Variants in TMEM237 observed in about 807,000 individuals in gnomAD.
TMEM237 encodes transmembrane protein 237, also known as amyotrophic lateral sclerosis 2 (juvenile) chromosome region, candidate 4.
In TMEM237, 51 loss-of-function variants were observed where a neutral mutation model predicts 59.1. That is an observed-to-expected ratio of 0.86 (90% CI 0.69 to 1.09). The LOEUF is 1.09. Ranked by LOEUF, TMEM237 falls within the 50% of genes least tolerant of loss-of-function variation. The probability of loss-of-function intolerance (pLI) is 0.00; values close to 1 mark genes in which losing one functional copy is unlikely to be tolerated. For missense variants in TMEM237, 475 were observed against 478.3 expected, an observed-to-expected ratio of 0.99 and a Z score of 0.06; for synonymous variants, 140 against 166.1, an observed-to-expected ratio of 0.84 and a Z score of 1.21.
chr2:201,641,581 T>C (rs1361592482), intron 1 of TMEM237, among the ~76,000 whole-genome samples: 2 of 151,870 alleles, frequency 1.3e-5, no homozygotes, highest in East Asian at 3.9e-4. Flanking sequence ...TTCTAGTGGT[T>C]GAGTATTAGA....
chr2:201,642,503 A>C lies in TMEM237; in HGVS notation c.42+856T>G. On this transcript the variant is annotated intron_variant, in intron 1 of 12. Coordinates refer to ENST00000409883, the MANE Select transcript of TMEM237 (RefSeq NM_001044385.3). ...TAACTGATTTCAAAAGTCCCGCAAA[A>C]ATGACGTTCCACCCACCCAGAGACC... 1.5e-6 allele frequency: 2 copies of C among 1,322,010 alleles called. 1 individual carries two copies. The highest frequency in any genetic ancestry group is 3.1e-5 in the African/African-American group (2 of 64,698). 81.9% of individuals were successfully genotyped at this position (1,322,010 alleles called of 1,614,324 possible).
At chr2:201,634,422 A>G (rs998037228) in intron 5 of TMEM237, 3 of 152,228 alleles carry the variant, frequency 2.0e-5, no homozygotes, top group African/African-American at 7.2e-5. Context: ...TAAAAACACA[A>G]TTTTTAAATC....
chr2:201,631,763 T>A (rs1957809992), intron 7 of TMEM237, among the ~76,000 whole-genome samples: 1 of 152,204 alleles, frequency 6.6e-6, no homozygotes, highest in Non-Finnish European at 1.5e-5. Flanking sequence ...TCATTTTTTA[T>A]CAGAATCTTT....
chr2:201,625,123 G>A (rs1225996261), intron 12 of TMEM237, among the ~76,000 whole-genome samples: 1 of 152,172 alleles, frequency 6.6e-6, no homozygotes, highest in Admixed American at 6.5e-5. Context: ...AGCACTTTGG[G>A]AGGCCGAGGC....
chr2:201,625,223 G>T (rs1275261258), intron 12 of TMEM237, among the ~76,000 whole-genome samples: 3 of 151,894 alleles, frequency 2.0e-5, no homozygotes, highest in Admixed American at 6.6e-5. Flanking sequence ...TTAGCCGGGC[G>T]TGGTGGCGGG....
intron 12 of TMEM237, 61 bp from the exon 13 acceptor site, chr2:201,624,383 G>T: frequency 1.6e-6 from 2 of 1,274,092 alleles, no homozygotes; most frequent in Non-Finnish European, 2.2e-6. Context: ...CAACAGAGTT[G>T]TATAGCTTAT....
rs1464478466 is a variant in TMEM237 at position 201,621,094 on chromosome 2, T to A, written c.*3161A>T. On this transcript the variant is annotated 3_prime_UTR_variant, in exon 13 of 13. Coordinates refer to ENST00000409883, the MANE Select transcript of TMEM237 (RefSeq NM_001044385.3). ...TTCTTAGGGTTCATGTTATGCAACATAAAGTACACAGCATCACAGATGAAG... is the reference window on the plus strand; with the variant it reads ...TTCTTAGGGTTCATGTTATGCAACAAAAAGTACACAGCATCACAGATGAAG... The A allele has an allele frequency of 6.6e-6, 1 of 152,182 alleles. No homozygotes were observed. Among genetic ancestry groups the A allele is most frequent in the Non-Finnish European group, 1.5e-5 (1 of 68,026 alleles). The allele number at this position is 152,182 out of a possible 1,614,324, so 9.4% of individuals were successfully genotyped here. A position where few individuals can be genotyped will look rare whatever the true frequency, so the allele number is the denominator to read the frequency against.
At chr2:201,627,512 T>G in intron 10 of TMEM237, 98 bp from the exon 11 acceptor site, 1 of 758,828 alleles carries the variant, frequency 1.3e-6, no homozygotes, top group Non-Finnish European at 2.1e-6. Flanking sequence ...CTTTCATGAC[T>G]GATGATATAA....
chr2:201,628,292 A>G, intron 9 of TMEM237, 143 bp from the exon 10 acceptor site: 1 of 507,098 alleles, frequency 2.0e-6, no homozygotes, highest in Non-Finnish European at 3.6e-6. Context: ...GTGTATACTT[A>G]ACACGCATGA....
At position 201,628,762 on chromosome 2, in the gene TMEM237, G is replaced by A. The variant is rs1574579546; in HGVS notation, c.869+468C>T. Among the ~76,000 whole-genome samples the A allele has an allele frequency of 2.6e-5, 4 of 152,310 alleles. No homozygotes were observed. The South Asian group carries it at 8.3e-4, about 32-fold the overall frequency. ...CTGTCAGCAACCACTGAAGTGAGGG[G>A]AAGGTCATGAAACAGACTCTCCCTC... On this transcript the variant is annotated intron_variant, in intron 9 of 12. Transcript: ENST00000409883.
chr2:201,628,811 C>G (rs1957782141), intron 9 of TMEM237, among the ~76,000 whole-genome samples: 2 of 152,188 alleles, frequency 1.3e-5, no homozygotes, highest in Non-Finnish European at 2.9e-5. Context: ...AAGGAATCAA[C>G]CCTGGCCACA....
chr2:201,642,396 G>A (rs940186308), intron 1 of TMEM237, among the ~76,000 whole-genome samples: 3 of 152,160 alleles, frequency 2.0e-5, no homozygotes, highest in African/African-American at 7.2e-5. Context: ...TACAATTGGA[G>A]AAGAATGACA....
chr2:201,641,158 A>ATTTT, intron 1 of TMEM237, among the ~76,000 whole-genome samples: 2 of 151,980 alleles, frequency 1.3e-5, no homozygotes, highest in Non-Finnish European at 2.9e-5. Flanking sequence ...TGCCCGGCTA[A>ATTTT]TTTTTGTATT....
rs10586927 is a variant in TMEM237, at chr2:201,641,707, C to CATAT, written c.43-787_43-784dup. On this transcript the variant is annotated intron_variant, in intron 1 of 12. Transcript: ENST00000409883. The stretch of plus-strand genomic sequence containing the variant: ...ATATCTTGTATACATATCGTGTGTG[C>CATAT]ATATATATATATATACACAAGATAC... Among the ~76,000 whole-genome samples, 726 of 149,672 alleles carry CATAT rather than the reference C, an allele frequency of 4.9e-3. 19 individuals carry two copies. The East Asian group carries it at 0.076, about 16-fold the overall frequency.
intron 3 of TMEM237, among the ~76,000 whole-genome samples, chr2:201,639,719 C>A (rs59062980): frequency 0.07 from 10,635 of 152,112 alleles, 549 homozygotes; most frequent in African/African-American, 0.13. Flanking sequence ...TGACTTGAAC[C>A]CAGGAGGCAG....
chr2:201,627,398 A>C lies in TMEM237; in HGVS notation c.960T>G (p.Leu320=). ...ALASFLYFTA[L]ILSLSQQMTS... is the part of the protein sequence containing the mutation. ...TCATTTGCTGACTCAGAGATAGTAT[A>C]AGAGCAGTAAAGTACACTGAGAAAA... The change falls in exon 11 of 13, where the codon CTT becomes CTG. Residue 320 remains leucine, a synonymous_variant. Transcript: ENST00000409883. 6.3e-7 allele frequency: 1 copy of C among 1,598,260 alleles called. No individual in the cohort carries two copies. Among genetic ancestry groups the C allele is most frequent in the Non-Finnish European group, 8.5e-7 (1 of 1,171,248 alleles).
intron 11 of TMEM237, among the ~76,000 whole-genome samples, chr2:201,627,010 G>A (rs1046631910): frequency 6.6e-6 from 1 of 151,992 alleles, no homozygotes; most frequent in Non-Finnish European, 1.5e-5. Flanking sequence ...AACCCAGGAG[G>A]CGGTGGCTGC....
intron 9 of TMEM237, among the ~76,000 whole-genome samples, chr2:201,628,428 C>T (rs553433028): frequency 3.9e-5 from 6 of 152,206 alleles, no homozygotes; most frequent in South Asian, 2.1e-4. Context: ...TTAGTTTCTA[C>T]CTCTTTCTAT....
chr2:201,643,271 G>T lies in TMEM237; in HGVS notation c.42+88C>A. On this transcript the variant is annotated intron_variant, in intron 1 of 12. Transcript: ENST00000409883. This position sits in a 1 kb window ranked among gnomAD's most constrained non-coding sequence, Gnocchi z 4.3. ...CTCCCTTAGTGATTCCCAGCTCGTTGGCGCCCCCCCACACACACCCACCCC... is the reference window on the plus strand; with the variant it reads ...CTCCCTTAGTGATTCCCAGCTCGTTTGCGCCCCCCCACACACACCCACCCC... 2 of 1,237,844 alleles carry T rather than the reference G, an allele frequency of 1.6e-6. No individual in the cohort carries two copies. Among genetic ancestry groups the T allele is most frequent in the Non-Finnish European group, 2.3e-6 (2 of 872,798 alleles). The allele number at this position is 1,237,844 out of a possible 1,614,324, so 76.7% of individuals were successfully genotyped here. A position where few individuals can be genotyped will look rare whatever the true frequency, so the allele number is the denominator to read the frequency against.
Sources: allele counts gnomAD v4.1 joint callset (sites outside exome capture counted in the v4.1 genomes callset), GRCh38; gene constraint gnomAD v4.1.1; non-coding constraint Gnocchi (gnomAD v3.1); transcripts MANE v1.5; gene names NCBI Gene and HGNC (gene_info 2026-07-23, HGNC 2026-07-21).